NOL10: variants seen among roughly 807,000 people sequenced by gnomAD.
NOL10 encodes nucleolar protein 10.
A neutral mutation model predicts 103.5 loss-of-function variants in NOL10; 58 were observed. The observed-to-expected ratio is 0.56, with a 90% CI of 0.45 to 0.70. The LOEUF (loss-of-function observed/expected upper bound fraction) is 0.70, where lower values mean the gene tolerates loss of function less well. NOL10 is among the 30% of genes least tolerant of loss of function. NOL10 has a pLI of 0.00. For synonymous variants in NOL10, 287 were observed against 282.5 expected (o/e 1.02, Z -0.16); for missense variants, 763 against 807.3 (o/e 0.95, Z 0.67).
At chr2:10,605,665 T>A (rs1676213618) in intron 14 of NOL10, among the ~76,000 whole-genome samples, 1 of 152,094 alleles carries the variant, frequency 6.6e-6, no homozygotes, top group African/African-American at 2.4e-5. Context: ...TAGTAGTTTT[T>A]AAAAAATCCA....
rs946949164 is a variant in NOL10 at position 10,664,572 on chromosome 2, T to C, written c.592-1528A>G. On this transcript the variant is annotated intron_variant, in intron 8 of 20. Coordinates refer to ENST00000381685, the MANE Select transcript of NOL10 (RefSeq NM_024894.4). ...TGTTTGTGTGTTTGAGACAAGGTCT[T>C]GTTCAGTCGCCCAGCTGGAGTGCAG... is the stretch of plus-strand genomic sequence containing the variant. Among the ~76,000 whole-genome samples, 8 of 152,256 alleles carry C rather than the reference T, an allele frequency of 5.3e-5. 1 individual carries two copies. The highest frequency in any genetic ancestry group is 1.5e-5 in the Non-Finnish European group (1 of 68,046).
intron 11 of NOL10, among the ~76,000 whole-genome samples, chr2:10,655,583 G>C (rs1679794591): frequency 6.6e-6 from 1 of 152,128 alleles, no homozygotes; most frequent in African/African-American, 2.4e-5. Context: ...AGGTGGGTGT[G>C]GAAAAAGGTG....
chr2:10,629,121 A>T (rs952774790), intron 13 of NOL10, among the ~76,000 whole-genome samples: 1 of 27,104 alleles, frequency 3.7e-5, no homozygotes. Flanking sequence ...CCCTCCCCCC[A>T]CCACCCCTCC....
At chr2:10,662,491 G>C (rs1444360360) in intron 9 of NOL10, among the ~76,000 whole-genome samples, 1 of 152,070 alleles carries the variant, frequency 6.6e-6, no homozygotes, top group African/African-American at 2.4e-5. Context: ...CAGGTTCTAG[G>C]TATCATTTCT....
chr2:10,623,122 A>G (rs1677242653), intron 13 of NOL10, among the ~76,000 whole-genome samples: 2 of 152,154 alleles, frequency 1.3e-5, no homozygotes, highest in African/African-American at 4.8e-5. Flanking sequence ...GACAACCCCC[A>G]TTAAACAGGC....
chr2:10,678,829 C>G (rs1169621067), intron 3 of NOL10, among the ~76,000 whole-genome samples: 1 of 152,134 alleles, frequency 6.6e-6, no homozygotes, highest in Non-Finnish European at 1.5e-5. Context: ...AAAAAGGCCT[C>G]TAGGAAAGTC....
chr2:10,620,207 A>G (rs1677055743), intron 13 of NOL10, among the ~76,000 whole-genome samples: 2 of 152,234 alleles, frequency 1.3e-5, no homozygotes, highest in African/African-American at 4.8e-5. Context: ...CTTGCAGGCA[A>G]AAGTGTTTAT....
At chr2:10,683,015 C>T (rs1229003968) in intron 2 of NOL10, among the ~76,000 whole-genome samples, 1 of 152,164 alleles carries the variant, frequency 6.6e-6, no homozygotes, top group Non-Finnish European at 1.5e-5. Flanking sequence ...GAACTCCTGA[C>T]CTCATGATCT....
At chr2:10,679,457 A>G (rs987785269) in intron 3 of NOL10, among the ~76,000 whole-genome samples, 1 of 152,174 alleles carries the variant, frequency 6.6e-6, no homozygotes, top group African/African-American at 2.4e-5. Context: ...GCTTGAGCCC[A>G]TAAGTTCAAG....
intron 13 of NOL10, among the ~76,000 whole-genome samples, chr2:10,619,627 T>C (rs1677016743): frequency 7.4e-6 from 1 of 135,692 alleles, no homozygotes; most frequent in Admixed American, 7.5e-5. Flanking sequence ...ACACTACAAA[T>C]GACATGTTAA....
intron 13 of NOL10, among the ~76,000 whole-genome samples, chr2:10,611,573 G>A (rs1676568463): frequency 6.6e-6 from 1 of 152,224 alleles, no homozygotes; most frequent in African/African-American, 2.4e-5. Context: ...CCTGAGCCCA[G>A]GAGTTCAAGG....
At chr2:10,585,304 A>G (rs1044241668) in intron 19 of NOL10, among the ~76,000 whole-genome samples, 6 of 152,228 alleles carry the variant, frequency 3.9e-5, no homozygotes, top group Admixed American at 6.5e-5. Context: ...ACACCTACAC[A>G]TAACAGCTGT....
chr2:10,637,099 G>C (rs1227881136), intron 13 of NOL10, among the ~76,000 whole-genome samples: 1 of 149,526 alleles, frequency 6.7e-6, no homozygotes, highest in African/African-American at 2.5e-5. Flanking sequence ...CTACTTGAGA[G>C]GCTGAGGTAA....
At position 10,570,838 on chromosome 2, in the gene NOL10, AG is replaced by A. The variant is rs1309026637; in HGVS notation, c.*1232del. 2 of 136,048 alleles carry A rather than the reference AG, an allele frequency of 1.5e-5. No individual in the cohort carries two copies. Among genetic ancestry groups the A allele is most frequent in the Non-Finnish European group, 3.0e-5 (2 of 66,756 alleles). 8.4% of individuals were successfully genotyped at this position (136,048 alleles called of 1,614,324 possible). A position where few individuals can be genotyped will look rare whatever the true frequency, so the allele number is the denominator to read the frequency against. On this transcript the variant is annotated 3_prime_UTR_variant, in exon 21 of 21. Transcript: ENST00000381685. ...TTATGTTTGACTGTACTTAAGAAAC[AG>A]GAAAAAAAAAAAACCTGTAATTAAA...
At chr2:10,612,503 ATAT>A (rs1403725021) in intron 13 of NOL10, among the ~76,000 whole-genome samples, 1 of 152,072 alleles carries the variant, frequency 6.6e-6, no homozygotes, top group African/African-American at 2.4e-5. Flanking sequence ...TTTTTTAGAA[ATAT>A]TATTTTTTTT....
At chr2:10,609,315 C>T (rs6432118) in intron 13 of NOL10, among the ~76,000 whole-genome samples, 89,232 of 150,692 alleles carry the variant, frequency 0.59, 27,377 homozygotes, top group African/African-American at 0.74. Flanking sequence ...TGGCCGGGCG[C>T]GGTGGCTCAC....
chr2:10,615,548 T>C (rs930519230), intron 13 of NOL10, among the ~76,000 whole-genome samples: 3 of 152,240 alleles, frequency 2.0e-5, no homozygotes, highest in East Asian at 3.8e-4. Flanking sequence ...TTTTGGTTAA[T>C]AGTGGTACCC....
Position 10,607,444 on chromosome 2 carries a change from G to T in NOL10, c.1027-133C>A, listed in dbSNP as rs567039497. ...CTATCAGAAGTATTGACAAATGGAT[G>T]CAGTATGTATAATGAACAAGTATAT... On this transcript the variant is annotated intron_variant, in intron 13 of 20. Coordinates refer to ENST00000381685, the MANE Select transcript of NOL10 (RefSeq NM_024894.4). 147 of 925,490 alleles carry T rather than the reference G, an allele frequency of 1.6e-4. 1 individual carries two copies. Among genetic ancestry groups the T allele is most frequent in the Non-Finnish European group, 3.4e-5 (22 of 638,188 alleles). The allele number at this position is 925,490 out of a possible 1,614,324, so 57.3% of individuals were successfully genotyped here.
intron 6 of NOL10, among the ~76,000 whole-genome samples, chr2:10,669,910 A>AATG (rs1342663818): frequency 6.6e-6 from 1 of 150,720 alleles, no homozygotes; most frequent in Non-Finnish European, 1.5e-5. Flanking sequence ...TAATAATAAT[A>AATG]ATGATAATAA....
Sources: gnomAD v4.1 joint callset for allele counts (sites outside exome capture counted in the v4.1 genomes callset) on GRCh38, gnomAD v4.1.1 for gene constraint, MANE v1.5 for transcripts, NCBI Gene and HGNC (gene_info 2026-07-23, HGNC 2026-07-21) for gene names.